SLC38A8: variants seen among roughly 807,000 people sequenced by gnomAD.
SLC38A8 encodes the protein amino acid transporter SLC38A8.
Under a neutral mutation model 46.0 loss-of-function variants are expected in SLC38A8, and 65 were observed. The ratio of observed to expected loss-of-function variants is 1.41; its 90% confidence interval spans 1.16 to 1.74. The LOEUF (loss-of-function observed/expected upper bound fraction) is 1.74. Among genes scored for constraint, SLC38A8 ranks in the 40% most tolerant of loss-of-function variants. The pLI is 0.00. For missense variants in SLC38A8, 998 were observed against 567.9 expected (o/e 1.76, Z -7.70); for synonymous variants, 447 against 243.7 (o/e 1.83, Z -7.77).
At chr16:84,039,758 AAAAAAAAAAAGGCAG>A (rs1443966927) in intron 2 of SLC38A8, among the ~76,000 whole-genome samples, 8 of 92,546 alleles carry the variant, frequency 8.6e-5, no homozygotes, top group African/African-American at 4.9e-4. Context: ...AAAAAAAAAA[AAAAAAAAAAAGGCAG>A]GGGAAGGTGT....
At chr16:84,012,543 A>G (rs1210025728) in intron 10 of SLC38A8, among the ~76,000 whole-genome samples, 4 of 152,234 alleles carry the variant, frequency 2.6e-5, no homozygotes, top group Admixed American at 1.3e-4. Flanking sequence ...ACATGTGGGT[A>G]TGGTGGGGAG....
At chr16:84,024,621 A>G (rs749267479) in intron 6 of SLC38A8, among the ~76,000 whole-genome samples, 1 of 152,066 alleles carries the variant, frequency 6.6e-6, no homozygotes, top group Non-Finnish European at 1.5e-5. Flanking sequence ...TCTCTACTAA[A>G]AGTATAAAAA....
At chr16:84,033,996 G>A (rs1393853992) in intron 3 of SLC38A8, among the ~76,000 whole-genome samples, 1 of 152,186 alleles carries the variant, frequency 6.6e-6, no homozygotes, top group Non-Finnish European at 1.5e-5. Flanking sequence ...GGGCCAGGCT[G>A]GCCAATCCTC....
At chr16:84,027,858 G>A (rs967774012) in intron 6 of SLC38A8, among the ~76,000 whole-genome samples, 4 of 152,106 alleles carry the variant, frequency 2.6e-5, no homozygotes, top group East Asian at 1.9e-4. Context: ...ACCATATGGC[G>A]CTTGGGCACA....
At chr16:84,034,268 G>C (rs1486818704) in intron 3 of SLC38A8, among the ~76,000 whole-genome samples, 2 of 152,244 alleles carry the variant, frequency 1.3e-5, no homozygotes, top group South Asian at 4.1e-4. Flanking sequence ...TGTCTCATTT[G>C]CCACACATTG....
chr16:84,032,720 A>G (rs1443142883), intron 4 of SLC38A8, among the ~76,000 whole-genome samples: 1 of 152,172 alleles, frequency 6.6e-6, no homozygotes, highest in East Asian at 1.9e-4. Flanking sequence ...GTTTCTATAC[A>G]ATGTCTATTG....
In SLC38A8 at chr16:84,024,682, A is replaced by G. The variant is rs372949284; in HGVS notation, c.691-1793T>C. Among the ~76,000 whole-genome samples, 19 of 152,130 alleles carry G rather than the reference A, an allele frequency of 1.2e-4. No homozygotes were observed. In the East Asian group the frequency reaches 3.0e-3, roughly 24 times the overall value. On this transcript the variant is annotated intron_variant, in intron 6 of 10. Coordinates refer to ENST00000299709, the MANE Select transcript of SLC38A8 (RefSeq NM_001080442.3). ...TGTAATCCTAGTTACTTGGGAGGCT[A>G]AGGCAGGAGAGTCGCTCAAGCCTGG...
In SLC38A8 at chr16:84,017,157, G is replaced by A. The variant is rs370425121; in HGVS notation, c.936C>T (p.Ile312=). 7.7e-5 allele frequency: 125 copies of A among 1,614,000 alleles called. No individual in the cohort carries two copies. Among genetic ancestry groups the A allele is most frequent in the Middle Eastern group, 1.6e-4 (1 of 6,082 alleles). The change falls in exon 8 of 11, where the codon ATC becomes ATT. Residue 312 remains isoleucine (I), a synonymous_variant. Coordinates refer to ENST00000299709, the MANE Select transcript of SLC38A8 (RefSeq NM_001080442.3). The part of the protein sequence containing the change: ...FAVSIVTVYP[I]VLFLGRSVMQ... ...GGCCTCACCTCCCCAGGAAGAGCAC[G>A]ATGGGGTAGACAGTTACGATGGAGA...
rs1488242869 is a variant in SLC38A8, at chr16:84,017,295, T to C, written c.806-8A>G. Reference sequence around the variant, plus strand: ...TCAGGAAGCCATAAACCCCTGAAGGTGGGAAAGGATGGAAGCCACAGAGTG... The same window carrying C: ...TCAGGAAGCCATAAACCCCTGAAGGCGGGAAAGGATGGAAGCCACAGAGTG... On this transcript the variant is annotated splice_polypyrimidine_tract_variant and splice_region_variant and intron_variant, in intron 7 of 10. Coordinates refer to ENST00000299709, the MANE Select transcript of SLC38A8 (RefSeq NM_001080442.3). 7 of 1,613,324 alleles carry C rather than the reference T, an allele frequency of 4.3e-6. No individual in the cohort carries two copies. The highest frequency in any genetic ancestry group is 5.9e-6 in the Non-Finnish European group (7 of 1,179,902).
chr16:84,016,712 G>T lies in SLC38A8; in HGVS notation c.969C>A (p.Asp323Glu), dbSNP rs1430296946. ...VLFLGRSVMQ[D>E]FWRRSCLGGW... ...CCCCCAAGCAGCTCCTCCTCCAGAA[G>T]TCCTGCATCACTGACCTGGAGGCCA... Residue 323 changes from aspartate (D) to glutamate (E), a missense_variant, in exon 9 of 11, where the codon GAC becomes GAA. By Grantham distance (45) the Asp-to-Glu change is conservative. Coordinates refer to ENST00000299709, the MANE Select transcript of SLC38A8 (RefSeq NM_001080442.3). 1 of 1,612,750 alleles carries T rather than the reference G, an allele frequency of 6.2e-7. No individual in the cohort carries two copies. Among genetic ancestry groups the T allele is most frequent in the Non-Finnish European group, 8.5e-7 (1 of 1,179,856 alleles).
intron 6 of SLC38A8, among the ~76,000 whole-genome samples, chr16:84,028,031 G>A (rs973707342): frequency 2.3e-4 from 34 of 150,296 alleles, no homozygotes; most frequent in African/African-American, 8.1e-4. Context: ...GAAGAGAAAT[G>A]GAAATGTTTC....
At chr16:84,016,129 C>CGG (rs111998534) in intron 9 of SLC38A8, among the ~76,000 whole-genome samples, 5 of 48,936 alleles carry the variant, frequency 1.0e-4, no homozygotes, top group Admixed American at 2.0e-4. Flanking sequence ...TGCTGGGGGG[C>CGG]GGGGGGGGAC....
At position 84,029,525 on chromosome 16, in the gene SLC38A8, C is replaced by A. The variant is rs11862366; in HGVS notation, c.659G>T (p.Ser220Ile). Residue 220 changes from serine (S) to isoleucine (I), a missense_variant, in exon 6 of 11, where the codon AGT becomes ATT. Ser to Ile is a moderately radical substitution (Grantham distance 142). Transcript: ENST00000299709. ...CCCGAAGCAGATGGTGGGGAAGACA[C>A]TGAACACAGAGGTCCAGGAGGCAGG... ...LSPASWTSVFSVFPTICFGFQ... is the reference protein window; with the variant it reads ...LSPASWTSVFIVFPTICFGFQ... 1.9e-5 allele frequency: 31 copies of A among 1,613,988 alleles called. No homozygotes were observed. Among genetic ancestry groups the A allele is most frequent in the Admixed American group, 3.3e-5 (2 of 60,006 alleles).
At chr16:84,021,256 G>A (rs746618628) in intron 7 of SLC38A8, among the ~76,000 whole-genome samples, 9 of 152,066 alleles carry the variant, frequency 5.9e-5, no homozygotes, top group South Asian at 2.1e-4. Flanking sequence ...ATAGAAATGC[G>A]GTTTTACCAT....
At chr16:84,013,476 G>A (rs2084982364) in intron 9 of SLC38A8, among the ~76,000 whole-genome samples, 1 of 135,966 alleles carries the variant, frequency 7.4e-6, no homozygotes, top group South Asian at 2.3e-4. Flanking sequence ...CTGCTGCCAG[G>A]CTGGAGTGCA....
intron 6 of SLC38A8, among the ~76,000 whole-genome samples, chr16:84,028,840 A>C (rs1271087199): frequency 6.6e-6 from 1 of 151,938 alleles, no homozygotes; most frequent in African/African-American, 2.4e-5. Flanking sequence ...GCTTCCAGTC[A>C]CCTGGCTGCT....
intron 2 of SLC38A8, among the ~76,000 whole-genome samples, chr16:84,038,325 T>G (rs889167184): frequency 1.3e-5 from 2 of 151,722 alleles, no homozygotes; most frequent in East Asian, 1.9e-4. Flanking sequence ...AAAAAAAAAT[T>G]CAGATGTACA....
intron 9 of SLC38A8, among the ~76,000 whole-genome samples, chr16:84,013,424 GTTTTTTTTTTTTT>G (rs1221293803): frequency 3.1e-5 from 2 of 64,048 alleles, no homozygotes; most frequent in African/African-American, 7.9e-5. Context: ...TTGTGTGTGT[GTTTTTTTTTTTTT>G]TTTTTTTTTT....
chr16:84,014,389 T>C (rs1461725332), intron 9 of SLC38A8, among the ~76,000 whole-genome samples: 1 of 147,974 alleles, frequency 6.8e-6, no homozygotes, highest in African/African-American at 2.5e-5. Flanking sequence ...TCCCCATCAA[T>C]GAAAGCTCCG....
Sources: gnomAD v4.1 joint callset for allele counts (sites outside exome capture counted in the v4.1 genomes callset) on GRCh38, gnomAD v4.1.1 for gene constraint, MANE v1.5 for transcripts, NCBI Gene and HGNC (gene_info 2026-07-23, HGNC 2026-07-21) for gene names.